The following RABGAP1L variants were observed in gnomAD, a reference collection of about 807,000 sequenced individuals.
The protein encoded by RABGAP1L is rab GTPase-activating protein 1-like.
RABGAP1L carries 63 observed loss-of-function variants against 137.7 expected under a neutral mutation model. The ratio of observed to expected loss-of-function variants is 0.46; its 90% confidence interval spans 0.37 to 0.56. RABGAP1L has a LOEUF of 0.56. RABGAP1L is among the 20% of genes least tolerant of loss of function. The pLI is 0.00. For synonymous variants in RABGAP1L, 431 were observed against 433.7 expected, an observed-to-expected ratio of 0.99 and a Z score of 0.08; for missense variants, 1,095 against 1,244.0, an observed-to-expected ratio of 0.88 and a Z score of 1.80.
chr1:174,201,986 AT>A lies in RABGAP1L; in HGVS notation c.-33-17133del, dbSNP rs1398846666. ...TCCCTACAAAGGACATGAACTCATC[AT>A]TTTTTATGGCTGCTAGTATTCCATG... On this transcript the variant is annotated intron_variant, in intron 1 of 25. Transcript: ENST00000681986. Among the ~76,000 whole-genome samples, 18 of 151,882 alleles carry A rather than the reference AT, an allele frequency of 1.2e-4. No individual in the cohort carries two copies. The East Asian group carries it at 2.9e-3, about 24-fold the overall frequency.
chr1:174,548,532 T>C (rs1666202756), intron 13 of RABGAP1L: 1 of 968,514 alleles, frequency 1.0e-6, no homozygotes, highest in Non-Finnish European at 1.2e-6. Flanking sequence ...TTCTGTAAGT[T>C]TTTCAAAACA....
intron 14 of RABGAP1L, among the ~76,000 whole-genome samples, chr1:174,645,879 G>A (rs982722885): frequency 3.9e-5 from 6 of 152,082 alleles, no homozygotes; most frequent in African/African-American, 1.4e-4. Flanking sequence ...GTTGTTTCCT[G>A]ACTTTTTAAT....
At chr1:174,542,902 C>CTGAT (rs1213418437) in intron 13 of RABGAP1L, among the ~76,000 whole-genome samples, 1 of 152,100 alleles carries the variant, frequency 6.6e-6, no homozygotes, top group African/African-American at 2.4e-5. Context: ...AGTTGAGCAG[C>CTGAT]TTTGAGTGAG....
intron 19 of RABGAP1L, among the ~76,000 whole-genome samples, chr1:174,886,544 TTG>T (rs1655170605): frequency 6.6e-6 from 1 of 152,178 alleles, no homozygotes; most frequent in African/African-American, 2.4e-5. Flanking sequence ...ATAGAAAAAG[TTG>T]GTTCAGGAGA....
rs1017412330 is a variant in RABGAP1L at position 174,752,490 on chromosome 1, T to C, written c.2211+136T>C. 29 of 577,952 alleles carry C rather than the reference T, an allele frequency of 5.0e-5. 1 individual carries two copies. Among genetic ancestry groups the C allele is most frequent in the Non-Finnish European group, 7.9e-5 (27 of 341,926 alleles). 35.8% of individuals were successfully genotyped at this position (577,952 alleles called of 1,614,324 possible). A position where few individuals can be genotyped will look rare whatever the true frequency, so the allele number is the denominator to read the frequency against. On this transcript the variant is annotated intron_variant, in intron 18 of 25. Coordinates refer to ENST00000681986, the MANE Select transcript of RABGAP1L (RefSeq NM_001366446.1). ...AAAATAGATGACTTCTCTGAGAAAC[T>C]CTGATCCTCTTCCCTCCTCTCATCT... is the stretch of plus-strand genomic sequence containing the variant.
chr1:174,822,348 T>C (rs1191763771), intron 19 of RABGAP1L, among the ~76,000 whole-genome samples: 2 of 152,244 alleles, frequency 1.3e-5, no homozygotes, highest in Admixed American at 6.5e-5. Context: ...TTAACACTCA[T>C]AGTCTTCAGT....
intron 5 of RABGAP1L, chr1:174,243,018 T>C (rs1232645468): frequency 6.6e-6 from 1 of 152,164 alleles, no homozygotes; most frequent in Non-Finnish European, 1.5e-5. Context: ...TGGCATTTCA[T>C]GTTGGCAGCC....
At chr1:174,232,947 C>T (rs1372224681) in intron 4 of RABGAP1L, among the ~76,000 whole-genome samples, 1 of 152,110 alleles carries the variant, frequency 6.6e-6, no homozygotes, top group Non-Finnish European at 1.5e-5. Context: ...CTGTAACAAA[C>T]TGCCATAGAC....
At chr1:174,380,365 A>G (rs952290138) in intron 12 of RABGAP1L, among the ~76,000 whole-genome samples, 1 of 151,906 alleles carries the variant, frequency 6.6e-6, no homozygotes, top group Non-Finnish European at 1.5e-5. Flanking sequence ...AAGGAATGGT[A>G]CCGGTTCCTC....
In RABGAP1L at chr1:174,370,595, A is replaced by G. The variant is rs912769264; in HGVS notation, c.1466-384A>G. Among the ~76,000 whole-genome samples the G allele has an allele frequency of 3.7e-5, 5 of 134,956 alleles. No individual in the cohort carries two copies. The South Asian group carries it at 1.2e-3, about 31-fold the overall frequency. The allele number at this position is 134,956 out of a possible 152,430, so 88.5% of individuals were successfully genotyped here. ...GTTTCTCAGTGTTATATTTAGGTAT[A>G]TATGTTTGGCCCTTAATTTTTATGT... is the stretch of plus-strand genomic sequence containing the variant. On this transcript the variant is annotated intron_variant, in intron 11 of 25. Transcript: ENST00000681986.
chr1:174,759,588 C>T (rs1172464595), intron 18 of RABGAP1L, among the ~76,000 whole-genome samples: 2 of 147,316 alleles, frequency 1.4e-5, no homozygotes, highest in Non-Finnish European at 3.0e-5. Flanking sequence ...GAGTGAGACT[C>T]TGTCTCCAAA....
chr1:174,256,669 T>G (rs1673155458), intron 7 of RABGAP1L, among the ~76,000 whole-genome samples: 2 of 152,096 alleles, frequency 1.3e-5, no homozygotes, highest in Admixed American at 1.3e-4. Context: ...TGGTCCCAGC[T>G]ACTTGGGAGG....
chr1:174,330,338 C>T (rs534129082), intron 11 of RABGAP1L, among the ~76,000 whole-genome samples: 9 of 152,124 alleles, frequency 5.9e-5, no homozygotes, highest in South Asian at 2.1e-4. Flanking sequence ...CCAACACTTT[C>T]GGAGGCTGAG....
intron 10 of RABGAP1L, among the ~76,000 whole-genome samples, chr1:174,280,089 G>GAGAGAGAGAGAGAC: frequency 6.8e-6 from 1 of 146,952 alleles, no homozygotes; most frequent in Non-Finnish European, 1.5e-5. Context: ...GAGAGAGAGA[G>GAGAGAGAGAGAGAC]AGACATTAAA....
intron 25 of RABGAP1L, 131 bp downstream of exon 25, chr1:174,988,969 C>T (rs1281632243): frequency 9.2e-6 from 6 of 651,224 alleles, no homozygotes; most frequent in South Asian, 5.4e-5. Context: ...CTAATGTGTC[C>T]TGCATAATCA....
chr1:174,471,188 AT>A (rs1657896540), intron 13 of RABGAP1L, among the ~76,000 whole-genome samples: 1 of 152,158 alleles, frequency 6.6e-6, no homozygotes, highest in Non-Finnish European at 1.5e-5. Context: ...AGTCATACTT[AT>A]TACTTACCCA....
At chr1:174,433,428 G>A (rs1652871627) in intron 13 of RABGAP1L, among the ~76,000 whole-genome samples, 1 of 152,174 alleles carries the variant, frequency 6.6e-6, no homozygotes, top group Non-Finnish European at 1.5e-5. Context: ...CACTAAGAAG[G>A]TGGTAAATAT....
Position 174,220,839 on chromosome 1 carries a change from C to G in RABGAP1L, c.139-133C>G, listed in dbSNP as rs574690391. On this transcript the variant is annotated intron_variant, in intron 2 of 25. Transcript: ENST00000681986. The stretch of plus-strand genomic sequence containing the variant: ...TTAATGTATTATATATGTGAAACAA[C>G]TTCTTAGTATTTTAGTAACTATATT... 1.9e-5 allele frequency: 14 copies of G among 748,260 alleles called. No homozygotes were observed. In the African/African-American group the frequency reaches 2.3e-4, roughly 12 times the overall value. The allele number at this position is 748,260 out of a possible 1,614,324, so 46.4% of individuals were successfully genotyped here. A position where few individuals can be genotyped will look rare whatever the true frequency, so the allele number is the denominator to read the frequency against.
chr1:174,536,452 T>C (rs1389177515), intron 13 of RABGAP1L, among the ~76,000 whole-genome samples: 1 of 152,072 alleles, frequency 6.6e-6, no homozygotes, highest in East Asian at 1.9e-4. Flanking sequence ...TTTGACACAT[T>C]TCCAGGATAA....
Sources: gnomAD v4.1 joint callset for allele counts (sites outside exome capture counted in the v4.1 genomes callset) on GRCh38, gnomAD v4.1.1 for gene constraint, MANE v1.5 for transcripts, NCBI Gene and HGNC (gene_info 2026-07-23, HGNC 2026-07-21) for gene names.